The following PARG variants were observed in gnomAD, a reference collection of about 807,000 sequenced individuals.
PARG encodes the protein poly(ADP-ribose) glycohydrolase, also known as mitochondrial poly(ADP-ribose) glycohydrolase.
A neutral mutation model predicts 113.0 loss-of-function variants in PARG; 35 were observed. That is an observed-to-expected ratio of 0.31 (90% CI 0.24 to 0.41). The LOEUF (loss-of-function observed/expected upper bound fraction) is 0.41. PARG is among the 10% of genes least tolerant of loss of function. The probability of loss-of-function intolerance (pLI) is 1.00; values close to 1 mark genes in which losing one functional copy is unlikely to be tolerated. For synonymous variants in PARG, 330 were observed against 409.9 expected, an observed-to-expected ratio of 0.81 and a Z score of 2.36; for missense variants, 797 against 1,169.4, an observed-to-expected ratio of 0.68 and a Z score of 4.64.
intron 6 of PARG, among the ~76,000 whole-genome samples, chr10:49,916,902 T>C (rs1198534196): frequency 6.6e-6 from 1 of 152,168 alleles, no homozygotes; most frequent in Non-Finnish European, 1.5e-5. Context: ...GTTAGATTAT[T>C]ACTATAAATC....
chr10:49,894,174 C>T (rs2081405924), intron 7 of PARG, among the ~76,000 whole-genome samples: 1 of 151,672 alleles, frequency 6.6e-6, no homozygotes, highest in Non-Finnish European at 1.5e-5. Flanking sequence ...GCTGGGACCA[C>T]AGGCATGTGC....
chr10:49,827,511 T>C (rs1488398508), intron 16 of PARG, among the ~76,000 whole-genome samples: 3 of 152,168 alleles, frequency 2.0e-5, no homozygotes, highest in African/African-American at 4.8e-5. Context: ...CTCATCCCTC[T>C]TTTCCGCTTA....
intron 15 of PARG, 86 bp from the exon 16 acceptor site, chr10:49,832,994 A>G: frequency 1.7e-6 from 1 of 596,854 alleles, no homozygotes; most frequent in Non-Finnish European, 2.8e-6. Flanking sequence ...AGTGTCCATT[A>G]TCAAGCTTAT....
chr10:49,938,436 T>A (rs1838851868), intron 1 of PARG, among the ~76,000 whole-genome samples: 1 of 152,144 alleles, frequency 6.6e-6, no homozygotes, highest in Non-Finnish European at 1.5e-5. Context: ...GTCATTCAAT[T>A]AATAGCTATA....
intron 4 of PARG, among the ~76,000 whole-genome samples, chr10:49,928,091 C>T (rs1423455896): frequency 1.3e-5 from 2 of 151,820 alleles, no homozygotes; most frequent in African/African-American, 4.8e-5. Flanking sequence ...GCCAACATGG[C>T]GAAACCCCGT....
chr10:49,905,670 C>A (rs1227720446), intron 7 of PARG, among the ~76,000 whole-genome samples: 9 of 152,108 alleles, frequency 5.9e-5, no homozygotes, highest in African/African-American at 2.2e-4. Context: ...AACTATTAAC[C>A]CTTTACTTAC....
rs935873895 is a variant in PARG at position 49,836,539 on chromosome 10, G to A, written c.2542-3631C>T. ...AGTATGCAGATCTTAGTTTCCTGAT[G>A]TATAAAATCCAAGATTGGGTTATGT... On this transcript the variant is annotated intron_variant, in intron 15 of 17. Transcript: ENST00000616448. Among the ~76,000 whole-genome samples, 5 of 151,916 alleles carry A rather than the reference G, an allele frequency of 3.3e-5. No homozygotes were observed. In the East Asian group the frequency reaches 5.8e-4, roughly 18 times the overall value.
intron 16 of PARG, among the ~76,000 whole-genome samples, chr10:49,832,448 G>A (rs1272897477): frequency 2.0e-5 from 3 of 152,178 alleles, no homozygotes; most frequent in African/African-American, 7.2e-5. Context: ...AAATTTGGTG[G>A]ATGAATGAGT....
chr10:49,831,201 T>G (rs1330807853), intron 16 of PARG, among the ~76,000 whole-genome samples: 2 of 151,662 alleles, frequency 1.3e-5, no homozygotes, highest in African/African-American at 2.4e-5. Context: ...GTGATTTTTA[T>G]ATACTTCATG....
rs2573545 is a variant in PARG at position 49,860,044 on chromosome 10, T to G, written c.2205+1544A>C. ...CTCCTCAGAGAGGTTTTGTTGTTGTTGCCATTCAGCATCATGTAATTTATA... is the reference window on the plus strand; with the variant it reads ...CTCCTCAGAGAGGTTTTGTTGTTGTGGCCATTCAGCATCATGTAATTTATA... On this transcript the variant is annotated intron_variant, in intron 12 of 17. Coordinates refer to ENST00000616448, the MANE Select transcript of PARG (RefSeq NM_003631.5). Among the ~76,000 whole-genome samples, 298 of 150,562 alleles carry G rather than the reference T, an allele frequency of 2.0e-3. 2 individuals carry two copies. The highest frequency in any genetic ancestry group is 6.9e-3 in the African/African-American group (281 of 40,970).
intron 15 of PARG, among the ~76,000 whole-genome samples, chr10:49,835,256 C>T (rs1360419664): frequency 6.6e-6 from 1 of 152,150 alleles, no homozygotes; most frequent in Non-Finnish European, 1.5e-5. Flanking sequence ...TTTTCCCCCA[C>T]CCAGAGCAAG....
chr10:49,893,341 T>G (rs1243346729), intron 7 of PARG, among the ~76,000 whole-genome samples: 1 of 152,230 alleles, frequency 6.6e-6, no homozygotes, highest in Middle Eastern at 3.2e-3. Context: ...TTTTTTAATG[T>G]GCTTATTGGC....
chr10:49,938,024 T>G (rs1838833281), intron 1 of PARG, among the ~76,000 whole-genome samples: 1 of 152,198 alleles, frequency 6.6e-6, no homozygotes, highest in African/African-American at 2.4e-5. Context: ...CTAGGAATTT[T>G]AACTAGAAAT....
intron 15 of PARG, among the ~76,000 whole-genome samples, chr10:49,841,273 A>G (rs1408791372): frequency 2.6e-5 from 4 of 152,126 alleles, no homozygotes; most frequent in African/African-American, 9.6e-5. Context: ...GAAAAAAAGA[A>G]AAAAAAGAAA....
intron 7 of PARG, among the ~76,000 whole-genome samples, chr10:49,896,081 TTC>T (rs1413498039): frequency 2.0e-5 from 3 of 152,224 alleles, no homozygotes; most frequent in Non-Finnish European, 4.4e-5. Context: ...AACATTTTAT[TTC>T]TTTTTCTTGC....
rs1588852027 is a variant in PARG at position 49,820,256 on chromosome 10, T to C, written c.2685A>G (p.Arg895=). The change falls in exon 17 of 18, where the codon CGA becomes CGG. Residue 895 remains arginine (R), a synonymous_variant. Coordinates refer to ENST00000616448, the MANE Select transcript of PARG (RefSeq NM_003631.5). ...IQILAAAAAE[R]DVVYFTFGDS... ...CCCCAAAGGTGAAATAAACCACATC[T>C]CGCTCAGCTGCAGCAGCTGCCAATA... The C allele has an allele frequency of 6.5e-7, 1 of 1,545,654 alleles. No homozygotes were observed.
chr10:49,941,370 T>C, intron 1 of PARG, 139 bp downstream of exon 1: 1 of 782,606 alleles, frequency 1.3e-6, no homozygotes, highest in Non-Finnish European at 2.2e-6. Flanking sequence ...CTAGTGGCTT[T>C]GGTAGCTCAG....
intron 13 of PARG, among the ~76,000 whole-genome samples, chr10:49,846,644 G>T (rs1845523297): frequency 6.6e-6 from 1 of 152,158 alleles, no homozygotes; most frequent in African/African-American, 2.4e-5. Context: ...ATTCTTCATT[G>T]TTGGGGAAGA....
intron 7 of PARG, among the ~76,000 whole-genome samples, chr10:49,906,829 T>A: frequency 6.6e-6 from 1 of 152,130 alleles, no homozygotes. Context: ...GAGTCTGGGA[T>A]GAGACAGGCC....
Sources: gnomAD v4.1 joint callset for allele counts (sites outside exome capture counted in the v4.1 genomes callset) on GRCh38, gnomAD v4.1.1 for gene constraint, MANE v1.5 for transcripts, NCBI Gene and HGNC (gene_info 2026-07-23, HGNC 2026-07-21) for gene names.